CHCHD6: variants seen among roughly 807,000 people sequenced by gnomAD.
CHCHD6 encodes MICOS complex subunit MIC25.
A neutral mutation model predicts 32.3 loss-of-function variants in CHCHD6; 28 were observed. That is an observed-to-expected ratio of 0.87 (90% confidence interval 0.64 to 1.19). The LOEUF (loss-of-function observed/expected upper bound fraction) is 1.19. CHCHD6 is among the 50% of genes most tolerant of loss of function. The pLI is 0.00. For missense variants in CHCHD6, 333 were observed against 307.0 expected, an observed-to-expected ratio of 1.08 and a Z score of -0.63; for synonymous variants, 122 against 117.5, an observed-to-expected ratio of 1.04 and a Z score of -0.25.
chr3:126,800,502 A>G (rs1318876529), intron 4 of CHCHD6, among the ~76,000 whole-genome samples: 2 of 152,132 alleles, frequency 1.3e-5, no homozygotes, highest in Non-Finnish European at 2.9e-5. Context: ...CCCCTCTGAA[A>G]GTGGGGTTCA....
At chr3:126,882,144 G>A (rs867646772) in intron 5 of CHCHD6, among the ~76,000 whole-genome samples, 10 of 152,160 alleles carry the variant, frequency 6.6e-5, no homozygotes, top group South Asian at 2.1e-4. Flanking sequence ...AGTTACTGCC[G>A]TCAGGGGCGT....
chr3:126,791,801 G>C (rs1474432166), intron 4 of CHCHD6, among the ~76,000 whole-genome samples: 1 of 152,176 alleles, frequency 6.6e-6, no homozygotes, highest in East Asian at 1.9e-4. Flanking sequence ...AGTAGAGACA[G>C]GGTTTCACCA....
chr3:126,715,360 G>A (rs1010212233), intron 1 of CHCHD6, among the ~76,000 whole-genome samples: 1 of 152,154 alleles, frequency 6.6e-6, no homozygotes, highest in Non-Finnish European at 1.5e-5. Context: ...CTGGAGCCTG[G>A]CATATGGAGT....
At chr3:126,914,250 A>T (rs759687191) in intron 5 of CHCHD6, among the ~76,000 whole-genome samples, 12 of 152,038 alleles carry the variant, frequency 7.9e-5, no homozygotes, top group Admixed American at 2.0e-4. Flanking sequence ...AGACTGAGAA[A>T]TTTTTTTCTT....
chr3:126,859,628 A>G (rs1941787212), intron 5 of CHCHD6, among the ~76,000 whole-genome samples: 1 of 152,192 alleles, frequency 6.6e-6, no homozygotes, highest in Non-Finnish European at 1.5e-5. Context: ...GCAACCCTGT[A>G]AGGTAGATTA....
At chr3:126,838,853 C>A (rs928260582) in intron 4 of CHCHD6, among the ~76,000 whole-genome samples, 1 of 151,730 alleles carries the variant, frequency 6.6e-6, no homozygotes, top group Non-Finnish European at 1.5e-5. Context: ...TTCCCAAAAT[C>A]AACTTCTCAG....
At chr3:126,923,732 G>A (rs540457033) in intron 6 of CHCHD6, among the ~76,000 whole-genome samples, 7 of 152,240 alleles carry the variant, frequency 4.6e-5, no homozygotes, top group Non-Finnish European at 1.0e-4. Context: ...TCTAAAGGTT[G>A]TTTTGAGGGC....
At chr3:126,953,033 T>C (rs915509664) in intron 6 of CHCHD6, 1 of 985,358 alleles carries the variant, frequency 1.0e-6, no homozygotes, top group East Asian at 1.1e-4. Flanking sequence ...AGGGCCACAC[T>C]GCGTTACTGA....
At chr3:126,867,338 A>G (rs925346910) in intron 5 of CHCHD6, among the ~76,000 whole-genome samples, 3 of 152,214 alleles carry the variant, frequency 2.0e-5, no homozygotes, top group Non-Finnish European at 2.9e-5. Flanking sequence ...TTCCTACACC[A>G]TAGCTGGCAG....
intron 5 of CHCHD6, among the ~76,000 whole-genome samples, chr3:126,908,156 A>C (rs895583925): frequency 6.6e-6 from 1 of 152,160 alleles, no homozygotes; most frequent in African/African-American, 2.4e-5. Flanking sequence ...GTTTGATTGG[A>C]GTTTTGAATA....
chr3:126,717,673 G>C (rs1010280206), intron 1 of CHCHD6, among the ~76,000 whole-genome samples: 1 of 152,176 alleles, frequency 6.6e-6, no homozygotes, highest in Non-Finnish European at 1.5e-5. Context: ...TTTGGGTGAG[G>C]CTGGCATTTT....
chr3:126,890,671 T>C (rs987767603), intron 5 of CHCHD6, among the ~76,000 whole-genome samples: 10 of 152,254 alleles, frequency 6.6e-5, no homozygotes, highest in Admixed American at 3.9e-4. Flanking sequence ...TAAAAGCCAC[T>C]GTGCTAGGTG....
At chr3:126,887,226 C>T (rs950910430) in intron 5 of CHCHD6, among the ~76,000 whole-genome samples, 1 of 151,936 alleles carries the variant, frequency 6.6e-6, no homozygotes, top group Admixed American at 6.6e-5. Context: ...TGACGTCAGA[C>T]AAGCTACTTA....
intron 5 of CHCHD6, among the ~76,000 whole-genome samples, chr3:126,861,308 G>A (rs887804930): frequency 1.8e-4 from 27 of 152,040 alleles, no homozygotes; most frequent in African/African-American, 5.6e-4. Flanking sequence ...CTTTTAAGTC[G>A]TGGCTTCCCA....
chr3:126,855,529 G>A lies in CHCHD6; in HGVS notation c.495+2799G>A, dbSNP rs188487036. Among the ~76,000 whole-genome samples the A allele has an allele frequency of 4.9e-3, 747 of 152,302 alleles. 4 individuals are homozygous for A. The highest frequency in any genetic ancestry group is 0.017 in the African/African-American group (713 of 41,562). ...TTTGGATTAATGGATGAGCATGTGT[G>A]CATGCACACATATATGCATGCTGAG... On this transcript the variant is annotated intron_variant, in intron 5 of 7. Transcript: ENST00000290913.
At chr3:126,779,847 G>A (rs2107680579) in intron 4 of CHCHD6, among the ~76,000 whole-genome samples, 1 of 152,208 alleles carries the variant, frequency 6.6e-6, no homozygotes, top group South Asian at 2.1e-4. Flanking sequence ...CCCTATTAAG[G>A]TTATAAACTC....
intron 4 of CHCHD6, among the ~76,000 whole-genome samples, chr3:126,756,968 A>G (rs1936976390): frequency 6.6e-6 from 1 of 152,232 alleles, no homozygotes; most frequent in South Asian, 2.1e-4. Context: ...ATCCTTGTGC[A>G]CTTGTAAATC....
chr3:126,946,390 T>A (rs1164889717), intron 6 of CHCHD6, among the ~76,000 whole-genome samples: 1 of 152,188 alleles, frequency 6.6e-6, no homozygotes, highest in African/African-American at 2.4e-5. Flanking sequence ...TCCGTGTGTG[T>A]GAGAGAGAAG....
chr3:126,729,484 T>C (rs1358971915), intron 2 of CHCHD6, among the ~76,000 whole-genome samples: 7 of 152,140 alleles, frequency 4.6e-5, no homozygotes, highest in African/African-American at 1.7e-4. Context: ...TGGAAAATTA[T>C]ATAAAAAGCA....
Sources: gnomAD v4.1 joint callset for allele counts (sites outside exome capture counted in the v4.1 genomes callset) on GRCh38, gnomAD v4.1.1 for gene constraint, MANE v1.5 for transcripts, NCBI Gene and HGNC (gene_info 2026-07-23, HGNC 2026-07-21) for gene names.